The following RPS6KA3 variants were observed in gnomAD, a reference collection of about 807,000 sequenced individuals.
RPS6KA3 encodes the protein ribosomal protein S6 kinase A3, also known as ribosomal protein S6 kinase alpha-3.
In RPS6KA3, 4 loss-of-function variants were observed where a neutral mutation model predicts 67.2. The observed-to-expected ratio is 0.06, with a 90% CI of 0.03 to 0.14. RPS6KA3 has a LOEUF of 0.14. Among genes scored for constraint, RPS6KA3 ranks in the 10% least tolerant of loss-of-function variants. RPS6KA3 has a pLI of 1.00. For synonymous variants in RPS6KA3, 182 were observed against 183.7 expected, an observed-to-expected ratio of 0.99 and a Z score of 0.07; for missense variants, 204 against 559.0, an observed-to-expected ratio of 0.36 and a Z score of 6.40.
chrX:20,185,383 T>C (rs2067955639), intron 10 of RPS6KA3, among the ~76,000 whole-genome samples: 1 of 111,494 alleles, frequency 9.0e-6, no homozygotes, highest in South Asian at 3.7e-4. Flanking sequence ...TCTTTTCTTT[T>C]CTTTTTTGAG....
chrX:20,187,094 T>C (rs2068004090), intron 9 of RPS6KA3, among the ~76,000 whole-genome samples: 1 of 111,701 alleles, frequency 9.0e-6, no homozygotes, highest in African/African-American at 3.3e-5. Flanking sequence ...TTTTTGTATT[T>C]TTAGTAGAAA....
chrX:20,165,630 A>G (rs145956135), intron 17 of RPS6KA3, among the ~76,000 whole-genome samples: 1,383 of 112,229 alleles, frequency 0.012, 24 homozygotes, highest in African/African-American at 0.042. Flanking sequence ...CATTCTAACT[A>G]GAAGGAACAG....
intron 20 of RPS6KA3, among the ~76,000 whole-genome samples, chrX:20,158,387 AAGAG>A (rs60488991): frequency 2.4e-4 from 23 of 97,406 alleles, no homozygotes; most frequent in African/African-American, 4.7e-4. Context: ...AAAAAAAAAA[AAGAG>A]AGAGAGAGAG....
chrX:20,238,030 T>C lies in RPS6KA3; in HGVS notation c.70-3216A>G, dbSNP rs189396792. 3.2e-3 allele frequency among the ~76,000 whole-genome samples: 360 copies of C among 111,637 alleles called. 1 individual carries two copies. The highest frequency in any genetic ancestry group is 5.2e-3 in the Non-Finnish European group (274 of 52,835). ...TGATGACTAACTTGCCTGTACTCTA[T>C]CTGCAAAGTCACAGGAAGTAAATCT... is the stretch of plus-strand genomic sequence containing the variant. On this transcript the variant is annotated intron_variant, in intron 1 of 21. Coordinates refer to ENST00000379565, the MANE Select transcript of RPS6KA3 (RefSeq NM_004586.3).
intron 1 of RPS6KA3, among the ~76,000 whole-genome samples, chrX:20,244,675 C>T (rs1236517087): frequency 8.9e-6 from 1 of 112,596 alleles, no homozygotes; most frequent in Non-Finnish European, 1.9e-5. Flanking sequence ...GCTCCTACTA[C>T]TTACATAGAA....
chrX:20,175,102 T>C lies in RPS6KA3; in HGVS notation c.1227+62A>G. On this transcript the variant is annotated intron_variant, in intron 14 of 21. Transcript: ENST00000379565. ...CTTGAAGTCAGTAGAAAAAGATCTA[T>C]TCACAGAATGAACTATATCTTACAA... 2.9e-6 allele frequency: 3 copies of C among 1,039,953 alleles called. No individual in the cohort carries two copies. The East Asian group carries it at 9.1e-5, about 32-fold the overall frequency. 85.7% of individuals were successfully genotyped at this position (1,039,953 alleles called of 1,213,427 possible).
chrX:20,266,305 GC>G (rs1195238777), intron 1 of RPS6KA3, among the ~76,000 whole-genome samples: 2 of 110,548 alleles, frequency 1.8e-5, no homozygotes, highest in African/African-American at 6.6e-5. Context: ...TTCTTGCAAA[GC>G]CCCAGCGCCC....
chrX:20,247,577 G>A (rs551623901), intron 1 of RPS6KA3, among the ~76,000 whole-genome samples: 1 of 110,820 alleles, frequency 9.0e-6, no homozygotes, highest in Non-Finnish European at 1.9e-5. Context: ...ACGAGGTCAG[G>A]AGATCGAGAC....
At chrX:20,235,622 C>CAAAACAAAAACA (rs1012268383) in intron 1 of RPS6KA3, 5 of 110,586 alleles carry the variant, frequency 4.5e-5, no homozygotes, top group African/African-American at 1.3e-4. Flanking sequence ...TAATGATTTA[C>CAAAACAAAAACA]AAAACAAAAA....
At chrX:20,188,443 A>G in intron 8 of RPS6KA3, 54 bp downstream of exon 8, 1 of 663,719 alleles carries the variant, frequency 1.5e-6, no homozygotes, top group Admixed American at 2.7e-5. Context: ...ACCTTAAAGG[A>G]AAGTATATAT....
intron 14 of RPS6KA3, among the ~76,000 whole-genome samples, chrX:20,174,607 A>G (rs2067654454): frequency 9.1e-6 from 1 of 109,519 alleles, no homozygotes; most frequent in South Asian, 3.9e-4. Flanking sequence ...TCGGCCTCCC[A>G]AAGTGCTGGG....
At chrX:20,220,224 G>A (rs1183335299) in intron 2 of RPS6KA3, among the ~76,000 whole-genome samples, 1 of 111,000 alleles carries the variant, frequency 9.0e-6, no homozygotes, top group East Asian at 2.8e-4. Flanking sequence ...AAAAAACCTT[G>A]CTCAATTTAA....
intron 20 of RPS6KA3, among the ~76,000 whole-genome samples, chrX:20,159,090 T>A (rs889501904): frequency 1.8e-5 from 2 of 112,328 alleles, no homozygotes; most frequent in African/African-American, 3.2e-5. Flanking sequence ...GGGGACTACA[T>A]ACATTATAAC....
intron 1 of RPS6KA3, among the ~76,000 whole-genome samples, chrX:20,260,730 G>T (rs182709535): frequency 8.9e-6 from 1 of 111,748 alleles, no homozygotes; most frequent in Admixed American, 9.5e-5. Context: ...ACTGAACCAA[G>T]TACTTTACAT....
At position 20,266,736 on chromosome X, in the gene RPS6KA3, G is replaced by A. The variant is rs2070402016; in HGVS notation, c.-104C>T. 1 of 332,041 alleles carries A rather than the reference G, an allele frequency of 3.0e-6. No homozygotes were observed. The highest frequency in any genetic ancestry group is 3.5e-6 in the Non-Finnish European group (1 of 289,055). 27.4% of individuals were successfully genotyped at this position (332,041 alleles called of 1,213,427 possible). ...GAGCCCCACGGCAGCGGCGGCGGCG[G>A]CGGCGGCGGCGGCAGCGGCAGCGGC... On this transcript the variant is annotated 5_prime_UTR_variant, in exon 1 of 22. Transcript: ENST00000379565.
In RPS6KA3 at chrX:20,199,935, C is replaced by G. The variant is rs775256353; in HGVS notation, c.325+4087G>C. On this transcript the variant is annotated intron_variant, in intron 4 of 21. Transcript: ENST00000379565. ...CTCAGCCAAATTATAAACTAAGTGA[C>G]AGGCGGTAGAATAAAGCCATTTCCA... is the stretch of plus-strand genomic sequence containing the variant. Among the ~76,000 whole-genome samples the G allele has an allele frequency of 3.6e-5, 4 of 112,115 alleles. No individual in the cohort carries two copies. The South Asian group carries it at 1.5e-3, about 42-fold the overall frequency.
At chrX:20,246,483 C>T (rs2069693587) in intron 1 of RPS6KA3, among the ~76,000 whole-genome samples, 1 of 111,248 alleles carries the variant, frequency 9.0e-6, no homozygotes, top group African/African-American at 3.3e-5. Context: ...TTCTGGATAA[C>T]CCTTTAATAT....
chrX:20,196,840 T>G (rs1451020212), intron 4 of RPS6KA3, among the ~76,000 whole-genome samples: 2 of 112,196 alleles, frequency 1.8e-5, no homozygotes, highest in East Asian at 5.6e-4. Flanking sequence ...TTGTTATATC[T>G]GATATGCCCC....
At chrX:20,212,918 G>A (rs1261284215) in intron 2 of RPS6KA3, among the ~76,000 whole-genome samples, 3 of 111,481 alleles carry the variant, frequency 2.7e-5, no homozygotes, top group African/African-American at 9.8e-5. Flanking sequence ...ACTGAAACTA[G>A]ATTGGTTACT....
Sources: allele counts gnomAD v4.1 joint callset (sites outside exome capture counted in the v4.1 genomes callset), GRCh38; gene constraint gnomAD v4.1.1; transcripts MANE v1.5; gene names NCBI Gene and HGNC (gene_info 2026-07-23, HGNC 2026-07-21).